The following EPB42 variants were observed in gnomAD, a reference collection of about 807,000 sequenced individuals.
EPB42 encodes protein 4.2.
In EPB42, 49 loss-of-function variants were observed where a neutral mutation model predicts 76.9. The observed-to-expected ratio is 0.64, with a 90% CI of 0.51 to 0.81. The LOEUF is 0.81. Among genes scored for constraint, EPB42 ranks in the 30% least tolerant of loss-of-function variants. The pLI is 0.00. For missense variants in EPB42, 731 were observed against 867.6 expected, an observed-to-expected ratio of 0.84 and a Z score of 1.98; for synonymous variants, 310 against 338.4, an observed-to-expected ratio of 0.92 and a Z score of 0.92.
chr15:43,224,690 A>G (rs534881618), upstream of EPB42, among the ~76,000 whole-genome samples: 1 of 152,272 alleles, frequency 6.6e-6, no homozygotes, highest in Non-Finnish European at 1.5e-5. Flanking sequence ...ATTATGGAAC[A>G]TGCATTCAAT....
At chr15:43,211,561 G>GGCCCTCATC in intron 3 of EPB42, 27 bp from the exon 4 acceptor site, 1 of 1,458,378 alleles carries the variant, frequency 6.9e-7, no homozygotes, top group Non-Finnish European at 9.6e-7. Flanking sequence ...AGGGATGAGG[G>GGCCCTCATC]CCTGTGGGGG....
intron 6 of EPB42, 28 bp from the exon 7 acceptor site, chr15:43,208,803 G>T: frequency 1.9e-6 from 3 of 1,611,344 alleles, no homozygotes; most frequent in Middle Eastern, 1.7e-4. Flanking sequence ...GAGTGTCAGG[G>T]GGCGCTTGAG....
At chr15:43,208,022 C>T (rs774750591) in intron 8 of EPB42, among the ~76,000 whole-genome samples, 2 of 152,248 alleles carry the variant, frequency 1.3e-5, no homozygotes, top group Non-Finnish European at 2.9e-5. Context: ...CATCTACCTA[C>T]AGCCTTGTAG....
intron 4 of EPB42, among the ~76,000 whole-genome samples, chr15:43,211,097 G>A (rs376171691): frequency 9.2e-5 from 14 of 152,166 alleles, no homozygotes; most frequent in Non-Finnish European, 1.8e-4. Flanking sequence ...AACATGGGGC[G>A]GTTCATGGGG....
chr15:43,203,250 G>C lies in EPB42; in HGVS notation c.1644C>G (p.Phe548Leu), dbSNP rs375076769. 1.9e-6 allele frequency: 3 copies of C among 1,614,062 alleles called. No homozygotes were observed. The African/African-American group carries it at 4.0e-5, about 22-fold the overall frequency. Residue 548 changes from phenylalanine (F) to leucine (L), a missense_variant, in exon 11 of 13, where the codon TTC (phenylalanine) becomes TTG (leucine). Physicochemically the swap from Phe to Leu is conservative, Grantham distance 22. Transcript: ENST00000441366. Reference sequence around the variant, plus strand: ...GTGGGTTTCGCTCAAAATTGGAGAAGAACAGGCCGATGGTTATTATCTTTT... The same window carrying C: ...GTGGGTTTCGCTCAAAATTGGAGAACAACAGGCCGATGGTTATTATCTTTT... ...NLEKIITIGL[F>L]FSNFERNPPE...
chr15:43,197,392 C>T lies in EPB42; in HGVS notation c.1986G>A (p.Gln662=). The T allele has an allele frequency of 1.2e-6, 2 of 1,614,186 alleles. No individual in the cohort carries two copies. Among genetic ancestry groups the T allele is most frequent in the Non-Finnish European group, 1.7e-6 (2 of 1,180,032 alleles). ...TGCAGTCCACTTCCACAGTGAGTCT[C>T]TGGAGCCCCACATGTGTTGGCGTGA... is the stretch of plus-strand genomic sequence containing the variant. ...FQFTPTHVGL[Q]RLTVEVDCNM... is the part of the protein sequence containing the mutation. Residue 662 remains glutamine (Q), a synonymous_variant, in exon 13 of 13, where the codon CAG becomes CAA. Transcript: ENST00000441366.
rs1477689082 is a variant in EPB42 at position 43,209,431 on chromosome 15, C to T, written c.675G>A (p.Gln225=). ...GGGTCTGCGGGGTGGGCAGGACCCT[C>T]TGCTCCTTGAGAAAATGCAGCTGTT... ...LGALLHFLKE[Q]RVLPTPQTQA... Residue 225 remains glutamine (Q), a synonymous_variant, in exon 6 of 13, where the codon CAG becomes CAA. Transcript: ENST00000441366. The T allele has an allele frequency of 1.2e-6, 2 of 1,611,598 alleles. No individual in the cohort carries two copies. The highest frequency in any genetic ancestry group is 2.2e-5 in the East Asian group (1 of 44,828).
intron 4 of EPB42, 119 bp from the exon 5 acceptor site, chr15:43,210,558 C>T: frequency 1.1e-6 from 1 of 871,796 alleles, no homozygotes; most frequent in Non-Finnish European, 1.9e-6. Context: ...TCTCCCAGAC[C>T]CGCACTCCAC....
intron 11 of EPB42, among the ~76,000 whole-genome samples, chr15:43,202,799 T>G (rs570627757): frequency 3.3e-5 from 5 of 152,196 alleles, no homozygotes; most frequent in East Asian, 1.9e-4. Context: ...TAGAAAGAAA[T>G]AAAGGAGCTG....
intron 10 of EPB42, among the ~76,000 whole-genome samples, chr15:43,204,060 G>C (rs576312474): frequency 2.0e-5 from 3 of 152,168 alleles, no homozygotes; most frequent in African/African-American, 7.2e-5. Flanking sequence ...ATAGAAGCAG[G>C]TTCAACTCTC....
Position 43,206,389 on chromosome 15 carries a change from C to G in EPB42, c.1559G>C (p.Gly520Ala). 2 of 1,614,096 alleles carry G rather than the reference C, an allele frequency of 1.2e-6. No individual in the cohort carries two copies. Among genetic ancestry groups the G allele is most frequent in the Non-Finnish European group, 1.7e-6 (2 of 1,179,990 alleles). ...AIGVQAVHYNGVLAAKLWRKK... is the reference protein window; with the variant it reads ...AIGVQAVHYNAVLAAKLWRKK... Reference sequence around the variant, plus strand: ...CCTCCAGAGCTTGGCAGCAAGGACACCGTTGTAGTGTACAGCCTGGACCCC... The same window carrying G: ...CCTCCAGAGCTTGGCAGCAAGGACAGCGTTGTAGTGTACAGCCTGGACCCC... The change falls in exon 10 of 13, where the codon GGT (glycine) becomes GCT (alanine). Residue 520 changes from glycine to alanine, a missense_variant. Transcript: ENST00000441366. The surrounding 1 kb of genome is among the most constrained non-coding windows in gnomAD (Gnocchi z 4.7).
chr15:43,201,762 A>G, intron 12 of EPB42, 82 bp downstream of exon 12: 1 of 1,578,506 alleles, frequency 6.3e-7, no homozygotes, highest in Non-Finnish European at 8.7e-7. Flanking sequence ...TGGACATGGC[A>G]AAGAGAGAGT....
chr15:43,215,006 C>A, intron 3 of EPB42, 89 bp downstream of exon 3: 1 of 1,132,362 alleles, frequency 8.8e-7, no homozygotes, highest in Non-Finnish European at 1.3e-6. Flanking sequence ...CCACAGGGGC[C>A]TGGTGCAGGT....
At chr15:43,204,972 C>G (rs921043775) in intron 10 of EPB42, among the ~76,000 whole-genome samples, 5 of 145,174 alleles carry the variant, frequency 3.4e-5, no homozygotes, top group Admixed American at 2.0e-4. Context: ...CCGCCCCCCC[C>G]CCAAAAAAAA....
chr15:43,212,052 G>A (rs1402268300), intron 3 of EPB42, among the ~76,000 whole-genome samples: 1 of 151,566 alleles, frequency 6.6e-6, no homozygotes, highest in African/African-American at 2.4e-5. Context: ...GGGTGACAGA[G>A]TGAGAGACTT....
chr15:43,218,689 T>C (rs1263721861), intron 1 of EPB42, among the ~76,000 whole-genome samples: 1 of 152,216 alleles, frequency 6.6e-6, no homozygotes, highest in African/African-American at 2.4e-5. Flanking sequence ...TAAAGGAGAT[T>C]TTCTCAGATA....
chr15:43,216,164 C>A, intron 2 of EPB42, 104 bp downstream of exon 2: 1 of 1,409,206 alleles, frequency 7.1e-7, no homozygotes, highest in Non-Finnish European at 9.8e-7. Flanking sequence ...TACGGCCCAG[C>A]TGCAGTGTGG....
chr15:43,215,135 G>C lies in EPB42; in HGVS notation c.390C>G (p.Leu130=). 1 of 1,614,220 alleles carries C rather than the reference G, an allele frequency of 6.2e-7. No homozygotes were observed. The highest frequency in any genetic ancestry group is 8.5e-7 in the Non-Finnish European group (1 of 1,180,046). Residue 130 remains leucine, a synonymous_variant, in exon 3 of 13, where the codon CTC becomes CTG. Coordinates refer to ENST00000441366, the MANE Select transcript of EPB42 (RefSeq NM_001114134.2). ...TAAAAAGCAGTGTGAACTGACCCAA[G>C]AGGAGTTGCTTCCTGCCTGAGACCT... ...LLQVSGRKQL[L]LGQFTLLFNP...
rs2042357158 is a variant in EPB42 at position 43,215,089 on chromosome 15, A to G, written c.430+6T>C. Reference sequence around the variant, plus strand: ...GCAGCCCAGGCTGGCCCAGGTCCAAACTTACCTCTATTCCAGGGGTTAAAA... The same window carrying G: ...GCAGCCCAGGCTGGCCCAGGTCCAAGCTTACCTCTATTCCAGGGGTTAAAA... On this transcript the variant is annotated splice_donor_region_variant and intron_variant, in intron 3 of 12. Coordinates refer to ENST00000441366, the MANE Select transcript of EPB42 (RefSeq NM_001114134.2). 2 of 1,613,318 alleles carry G rather than the reference A, an allele frequency of 1.2e-6. No homozygotes were observed. Among genetic ancestry groups the G allele is most frequent in the Non-Finnish European group, 8.5e-7 (1 of 1,179,656 alleles).
Sources: allele counts gnomAD v4.1 joint callset (sites outside exome capture counted in the v4.1 genomes callset), GRCh38; gene constraint gnomAD v4.1.1; non-coding constraint Gnocchi (gnomAD v3.1); transcripts MANE v1.5; gene names NCBI Gene and HGNC (gene_info 2026-07-23, HGNC 2026-07-21).